ARHGAP19: variants seen among roughly 807,000 people sequenced by gnomAD.
ARHGAP19 encodes rho GTPase-activating protein 19.
ARHGAP19 carries 48 observed loss-of-function variants against 60.9 expected under a neutral mutation model. The ratio of observed to expected loss-of-function variants is 0.79; its 90% CI spans 0.62 to 1.00. ARHGAP19 has a LOEUF of 1.00. ARHGAP19 is among the 50% of genes least tolerant of loss of function. The pLI is 0.00. For missense variants in ARHGAP19, 562 were observed against 597.2 expected, an observed-to-expected ratio of 0.94 and a Z score of 0.61; for synonymous variants, 209 against 215.5, an observed-to-expected ratio of 0.97 and a Z score of 0.27.
chr10:97,260,289 G>A (rs1366008222), intron 4 of ARHGAP19, among the ~76,000 whole-genome samples: 3 of 150,380 alleles, frequency 2.0e-5, no homozygotes, highest in Admixed American at 1.3e-4. Context: ...CCAGCACTTT[G>A]AGAGGCCGAG....
At chr10:97,253,423 A>T (rs1357549498) in intron 6 of ARHGAP19, among the ~76,000 whole-genome samples, 1 of 151,786 alleles carries the variant, frequency 6.6e-6, no homozygotes, top group South Asian at 2.1e-4. Flanking sequence ...GGAGAAAAAG[A>T]AAAGAAAAGA....
intron 1 of ARHGAP19, among the ~76,000 whole-genome samples, chr10:97,288,658 T>C (rs1160179322): frequency 6.6e-6 from 1 of 151,656 alleles, no homozygotes; most frequent in Non-Finnish European, 1.5e-5. Context: ...ATCTGTAAAG[T>C]ATTTATCACC....
At chr10:97,253,689 T>TG (rs1226028740) in intron 6 of ARHGAP19, among the ~76,000 whole-genome samples, 1 of 152,224 alleles carries the variant, frequency 6.6e-6, no homozygotes, top group East Asian at 1.9e-4. Flanking sequence ...ATGTGATGGA[T>TG]ACTCTACATA....
At chr10:97,286,464 T>C (rs1271329836) in intron 1 of ARHGAP19, among the ~76,000 whole-genome samples, 1 of 152,174 alleles carries the variant, frequency 6.6e-6, no homozygotes, top group Non-Finnish European at 1.5e-5. Context: ...TGGTGGCACA[T>C]GGCTGTAGTC....
chr10:97,234,460 G>A (rs1389641677), intron 9 of ARHGAP19, among the ~76,000 whole-genome samples: 2 of 143,336 alleles, frequency 1.4e-5, no homozygotes, highest in Non-Finnish European at 3.0e-5. Context: ...TTTTGGGGCA[G>A]CAATCTCTTC....
intron 8 of ARHGAP19, among the ~76,000 whole-genome samples, chr10:97,237,198 G>A (rs1241163017): frequency 1.1e-5 from 1 of 95,236 alleles, no homozygotes; most frequent in African/African-American, 3.2e-5. Context: ...CCAGGAGGCA[G>A]AGGTTGCAGT....
chr10:97,247,939 T>C (rs952784404), intron 6 of ARHGAP19, among the ~76,000 whole-genome samples: 23 of 149,798 alleles, frequency 1.5e-4, no homozygotes, highest in African/African-American at 5.6e-4. Context: ...GAGATTTCTC[T>C]AAGTATATCT....
intron 1 of ARHGAP19, 91 bp downstream of exon 1, chr10:97,292,481 G>C (rs1843250501): frequency 1.3e-6 from 2 of 1,495,688 alleles, no homozygotes; most frequent in Non-Finnish European, 1.9e-6. Context: ...AACAAAGCCC[G>C]AACCGTGCGC....
chr10:97,291,677 A>G (rs1386802366), intron 1 of ARHGAP19, among the ~76,000 whole-genome samples: 1 of 152,208 alleles, frequency 6.6e-6, no homozygotes, highest in Non-Finnish European at 1.5e-5. Context: ...TAGTTTCCCA[A>G]GATTCTTGGA....
chr10:97,274,645 T>C (rs774124292), intron 1 of ARHGAP19, among the ~76,000 whole-genome samples: 2 of 152,156 alleles, frequency 1.3e-5, no homozygotes, highest in East Asian at 3.8e-4. Context: ...TGACGTTTCA[T>C]GACAAATTTT....
chr10:97,272,775 A>G (rs1012598367), intron 1 of ARHGAP19, among the ~76,000 whole-genome samples: 17 of 150,836 alleles, frequency 1.1e-4, no homozygotes, highest in Non-Finnish European at 1.8e-4. Context: ...TTTTTTTTCA[A>G]TGTAATTAGC....
At chr10:97,266,878 T>C (rs1399810281) in intron 1 of ARHGAP19, among the ~76,000 whole-genome samples, 1 of 152,142 alleles carries the variant, frequency 6.6e-6, no homozygotes, top group Non-Finnish European at 1.5e-5. Flanking sequence ...ATGTGGGGAT[T>C]ATGGGAGCTA....
At chr10:97,248,632 T>G (rs1330269933) in intron 6 of ARHGAP19, among the ~76,000 whole-genome samples, 1 of 151,970 alleles carries the variant, frequency 6.6e-6, no homozygotes, top group East Asian at 1.9e-4. Context: ...CTAGTATCAC[T>G]CAGAAGCCAA....
chr10:97,264,318 T>C (rs911108612), intron 3 of ARHGAP19, among the ~76,000 whole-genome samples: 1 of 152,026 alleles, frequency 6.6e-6, no homozygotes, highest in Non-Finnish European at 1.5e-5. Context: ...CCGGGTGTGG[T>C]GGTGCAAGCT....
chr10:97,265,796 A>C, intron 2 of ARHGAP19, 64 bp downstream of exon 2: 2 of 1,563,440 alleles, frequency 1.3e-6, no homozygotes, highest in East Asian at 4.5e-5. Flanking sequence ...GAATGTGTAG[A>C]TGTTGAGAGA....
chr10:97,252,449 C>T (rs112711403), intron 6 of ARHGAP19, among the ~76,000 whole-genome samples: 8 of 150,604 alleles, frequency 5.3e-5, no homozygotes, highest in Middle Eastern at 3.4e-3. Flanking sequence ...GGTGAAACCC[C>T]GTCTCTACTA....
At chr10:97,247,911 AAAT>A (rs1330258972) in intron 6 of ARHGAP19, among the ~76,000 whole-genome samples, 1 of 152,160 alleles carries the variant, frequency 6.6e-6, no homozygotes, top group Non-Finnish European at 1.5e-5. Context: ...AAAACAATGA[AAAT>A]AATTAGAAAG....
intron 1 of ARHGAP19, among the ~76,000 whole-genome samples, chr10:97,283,455 G>A (rs151169225): frequency 1.5e-3 from 224 of 151,936 alleles, no homozygotes; most frequent in African/African-American, 5.3e-3. Flanking sequence ...TCGGGAGGCC[G>A]AGGCAGGAGA....
At position 97,226,031 on chromosome 10, in the gene ARHGAP19, CTG is replaced by C. The variant is rs776574463; in HGVS notation, c.*89_*90del. On this transcript the variant is annotated 3_prime_UTR_variant, in exon 12 of 12. Transcript: ENST00000358531. Reference sequence around the variant, plus strand: ...GACAATTCAAAATGCAGCAAGCAAGCTGCAAGTCCAAGCTTTGCTGTGGGCAG... The same window carrying C: ...GACAATTCAAAATGCAGCAAGCAAGCCAAGTCCAAGCTTTGCTGTGGGCAG... 3 of 1,418,200 alleles carry C rather than the reference CTG, an allele frequency of 2.1e-6. No individual in the cohort carries two copies. The highest frequency in any genetic ancestry group is 3.0e-6 in the Non-Finnish European group (3 of 1,016,182). The allele number at this position is 1,418,200 out of a possible 1,614,324, so 87.9% of individuals were successfully genotyped here.
Sources: gnomAD v4.1 joint callset for allele counts (sites outside exome capture counted in the v4.1 genomes callset) on GRCh38, gnomAD v4.1.1 for gene constraint, MANE v1.5 for transcripts, NCBI Gene and HGNC (gene_info 2026-07-23, HGNC 2026-07-21) for gene names.